The following NBAS variants were observed in gnomAD, a reference collection of about 807,000 sequenced individuals.
NBAS encodes NAG/BC035112 fusion.
NBAS carries 219 observed loss-of-function variants against 302.5 expected under a neutral mutation model. That is an observed-to-expected ratio of 0.72 (90% CI 0.65 to 0.81). The LOEUF (loss-of-function observed/expected upper bound fraction) is 0.81. NBAS is among the 30% of genes least tolerant of loss of function. NBAS has a pLI of 0.00. For missense variants in NBAS, 2,932 were observed against 2,841.6 expected (o/e 1.03, Z -0.72); for synonymous variants, 1,118 against 1,021.6 (o/e 1.09, Z -1.80).
At chr2:15,193,732 T>A (rs1331311757) in intron 48 of NBAS, among the ~76,000 whole-genome samples, 2 of 152,054 alleles carry the variant, frequency 1.3e-5, no homozygotes, top group Non-Finnish European at 1.5e-5. Flanking sequence ...CAAGTGCGAA[T>A]CCAAGATTTG....
At chr2:14,779,044 A>G in the NBAS span, among the ~76,000 whole-genome samples, 83,886 of 152,096 alleles carry the variant, frequency 0.55, 25,522 homozygotes, top group African/African-American at 0.83. Context: ...TGACTAATCC[A>G]AGACGCTTTG....
chr2:15,327,709 A>G, intron 38 of NBAS, 41 bp downstream of exon 38: 1 of 1,611,300 alleles, frequency 6.2e-7, no homozygotes. Flanking sequence ...ATGTTCACCT[A>G]GAGTTACACA....
Position 15,522,979 on chromosome 2 carries a change from G to A in NBAS, c.746+11564C>T, listed in dbSNP as rs561400760. On this transcript the variant is annotated intron_variant, in intron 9 of 51. Coordinates refer to ENST00000281513, the MANE Select transcript of NBAS (RefSeq NM_015909.4). The stretch of plus-strand genomic sequence containing the variant: ...TGTACTGTATTTATCAATACTGTAT[G>A]TTTACATAGTCTGTTTACAAGATCG... Among the ~76,000 whole-genome samples the A allele has an allele frequency of 7.9e-5, 12 of 152,272 alleles. No homozygotes were observed. The South Asian group carries it at 2.5e-3, about 32-fold the overall frequency.
the NBAS span, among the ~76,000 whole-genome samples, chr2:15,068,306 T>A: frequency 6.6e-6 from 1 of 152,226 alleles, no homozygotes; most frequent in Non-Finnish European, 1.5e-5. Flanking sequence ...TCATGATCCA[T>A]ACATTCATCG....
intron 23 of NBAS, among the ~76,000 whole-genome samples, chr2:15,422,266 C>T (rs1434500847): frequency 2.0e-5 from 3 of 152,200 alleles, no homozygotes; most frequent in Admixed American, 1.3e-4. Flanking sequence ...AAGTAATAGG[C>T]ATTTCAGGTT....
intron 9 of NBAS, among the ~76,000 whole-genome samples, chr2:15,512,432 C>G (rs979534234): frequency 2.0e-5 from 3 of 152,072 alleles, no homozygotes; most frequent in African/African-American, 7.2e-5. Context: ...AACACAATGG[C>G]CCCCAAAAGA....
At chr2:14,919,285 G>A in the NBAS span, among the ~76,000 whole-genome samples, 236 of 152,220 alleles carry the variant, frequency 1.6e-3, no homozygotes, top group African/African-American at 4.7e-3. Flanking sequence ...TCAAGTGTGC[G>A]ATAACATTAT....
intron 40 of NBAS, among the ~76,000 whole-genome samples, chr2:15,297,304 G>C (rs529019479): frequency 6.6e-6 from 1 of 152,104 alleles, no homozygotes; most frequent in African/African-American, 2.4e-5. Flanking sequence ...AAAATACAAG[G>C]CTCTTGATTG....
chr2:15,054,435 A>T, the NBAS span, among the ~76,000 whole-genome samples: 1 of 152,024 alleles, frequency 6.6e-6, no homozygotes, highest in East Asian at 1.9e-4. Flanking sequence ...CCCACTTTAC[A>T]TAGCTTTCAT....
chr2:14,816,377 A>G, the NBAS span, among the ~76,000 whole-genome samples: 1 of 152,222 alleles, frequency 6.6e-6, no homozygotes, highest in Non-Finnish European at 1.5e-5. Context: ...TGAGAATCTA[A>G]TGCCTGATGA....
At chr2:15,511,430 C>A (rs763266039) in intron 9 of NBAS, 80 bp from the exon 10 acceptor site, 2 of 1,326,970 alleles carry the variant, frequency 1.5e-6, no homozygotes, top group Non-Finnish European at 2.1e-6. Context: ...AAACAGTCAC[C>A]TTGAGAAAGA....
rs745492443 is a variant in NBAS, at chr2:15,277,058, G to A, written c.5182C>T (p.Leu1728Phe). 1.2e-6 allele frequency: 2 copies of A among 1,613,804 alleles called. No homozygotes were observed. Among genetic ancestry groups the A allele is most frequent in the South Asian group, 2.2e-5 (2 of 91,004 alleles). ...GGATCAGTCTTCAAAGTCTCAAAGAGATGAAGGTCTTGGGCTCTATTTTCA... is the reference window on the plus strand; with the variant it reads ...GGATCAGTCTTCAAAGTCTCAAAGAAATGAAGGTCTTGGGCTCTATTTTCA... ...EIENRAQDLHLFETLKTDPEA... is the reference protein window; with the variant it reads ...EIENRAQDLHFFETLKTDPEA... Residue 1728 changes from leucine to phenylalanine, a missense_variant, in exon 43 of 52, where the codon CTC becomes TTC. Transcript: ENST00000281513.
intron 4 of NBAS, 82 bp from the exon 5 acceptor site, chr2:15,553,555 A>G (rs1468543135): frequency 3.9e-5 from 50 of 1,271,248 alleles, no homozygotes; most frequent in Non-Finnish European, 5.7e-5. Flanking sequence ...ATTATTTAAT[A>G]AGTTAAAAAT....
chr2:15,087,107 C>G, the NBAS span, among the ~76,000 whole-genome samples: 1 of 151,936 alleles, frequency 6.6e-6, no homozygotes, highest in African/African-American at 2.4e-5. Flanking sequence ...CGGTCTCAAG[C>G]CTGCCAGCCT....
chr2:15,113,201 C>A, the NBAS span, among the ~76,000 whole-genome samples: 4 of 151,732 alleles, frequency 2.6e-5, no homozygotes, highest in Admixed American at 6.6e-5. Flanking sequence ...GGTAGGGGGG[C>A]CTTGAGAACA....
At chr2:15,506,564 G>C (rs1361396552) in intron 10 of NBAS, among the ~76,000 whole-genome samples, 1 of 152,112 alleles carries the variant, frequency 6.6e-6, no homozygotes, top group African/African-American at 2.4e-5. Context: ...TGAAGGTTAT[G>C]GCAAAACAGT....
At position 15,478,280 on chromosome 2, in the gene NBAS, C is replaced by G. The variant is rs76459791; in HGVS notation, c.1093G>C (p.Asp365His). 16,781 of 1,610,118 alleles carry G rather than the reference C, an allele frequency of 0.01. 101 individuals are homozygous for G. Among genetic ancestry groups the G allele is most frequent in the Non-Finnish European group, 0.013 (14,925 of 1,176,608 alleles). ...AGCCTCCAATCAGGATTAAGGTCAT[C>G]ATAGCCTGGCTAAATATGAAAATAA... ...EWGQNEQPGY[D>H]DLNPDWRLST... Residue 365 changes from aspartate (D) to histidine (H), a missense_variant, in exon 13 of 52, where the codon GAT (aspartate) becomes CAT (histidine). Physicochemically the swap from Asp to His is moderately conservative, Grantham distance 81 (BLOSUM62 -1). Transcript: ENST00000281513.
chr2:15,201,145 G>A (rs957065058), intron 48 of NBAS, among the ~76,000 whole-genome samples: 1 of 152,236 alleles, frequency 6.6e-6, no homozygotes, highest in African/African-American at 2.4e-5. Flanking sequence ...ATAAGAACTG[G>A]TAAGCTGTTA....
intron 25 of NBAS, among the ~76,000 whole-genome samples, chr2:15,410,386 C>A (rs530982155): frequency 8.5e-5 from 13 of 152,282 alleles, no homozygotes; most frequent in African/African-American, 3.1e-4. Context: ...TTAAGGCTTG[C>A]TGCAACTTCT....
Sources: gnomAD v4.1 joint callset for allele counts (sites outside exome capture counted in the v4.1 genomes callset) on GRCh38, gnomAD v4.1.1 for gene constraint, MANE v1.5 for transcripts, NCBI Gene and HGNC (gene_info 2026-07-23, HGNC 2026-07-21) for gene names.